SMPD3: variants seen among roughly 807,000 people sequenced by gnomAD.
SMPD3 encodes nSMase-2.
Under a neutral mutation model 55.7 loss-of-function variants are expected in SMPD3, and 21 were observed. The ratio of observed to expected loss-of-function variants is 0.38; its 90% CI spans 0.27 to 0.54. The LOEUF (loss-of-function observed/expected upper bound fraction) is 0.54, where lower values mean the gene tolerates loss of function less well. SMPD3 is among the 20% of genes least tolerant of loss of function. The pLI is 0.80. For missense variants in SMPD3, 842 were observed against 899.6 expected (o/e 0.94, Z 0.82); for synonymous variants, 457 against 404.3 (o/e 1.13, Z -1.56).
At chr16:68,401,717 A>G (rs1474390666) in intron 1 of SMPD3, among the ~76,000 whole-genome samples, 1 of 152,188 alleles carries the variant, frequency 6.6e-6, no homozygotes, top group Non-Finnish European at 1.5e-5. Context: ...GGAGAATTTC[A>G]TAGGTACAAG....
chr16:68,386,329 T>C (rs989355458), intron 2 of SMPD3, among the ~76,000 whole-genome samples: 1 of 152,108 alleles, frequency 6.6e-6, no homozygotes, highest in Non-Finnish European at 1.5e-5. Flanking sequence ...CCTTTTCCCA[T>C]ATATTGAGGG....
chr16:68,403,385 G>A (rs2090227637), intron 1 of SMPD3, among the ~76,000 whole-genome samples: 1 of 152,150 alleles, frequency 6.6e-6, no homozygotes, highest in Non-Finnish European at 1.5e-5. Context: ...ATACAAATTT[G>A]CTACAGGTCA....
chr16:68,398,925 C>T (rs911363356), intron 1 of SMPD3, among the ~76,000 whole-genome samples: 1 of 152,210 alleles, frequency 6.6e-6, no homozygotes, highest in African/African-American at 2.4e-5. Flanking sequence ...TTCCCCGCTC[C>T]AGGTCAAGGA....
chr16:68,381,174 C>T (rs1395394736), intron 2 of SMPD3, among the ~76,000 whole-genome samples: 1 of 152,234 alleles, frequency 6.6e-6, no homozygotes, highest in Non-Finnish European at 1.5e-5. Flanking sequence ...CAAGGCCTCA[C>T]TGCTGAGGGT....
chr16:68,363,627 T>C, intron 6 of SMPD3, 68 bp from the exon 7 acceptor site: 2 of 1,498,378 alleles, frequency 1.3e-6, no homozygotes, highest in Admixed American at 1.7e-5. Context: ...GGGGGTGGCC[T>C]CTGTGGGTGG....
chr16:68,382,397 C>G (rs1270167081), intron 2 of SMPD3, among the ~76,000 whole-genome samples: 2 of 152,210 alleles, frequency 1.3e-5, no homozygotes, highest in Non-Finnish European at 2.9e-5. Flanking sequence ...TGGGCAGCAG[C>G]TGTTAAGCAG....
intron 1 of SMPD3, among the ~76,000 whole-genome samples, chr16:68,441,776 TA>T (rs2090567838): frequency 6.6e-6 from 1 of 152,082 alleles, no homozygotes; most frequent in Non-Finnish European, 1.5e-5. Flanking sequence ...TTTTTTAAAT[TA>T]AAAAAAATTT....
chr16:68,444,270 C>T (rs1237154454), intron 1 of SMPD3, among the ~76,000 whole-genome samples: 5 of 152,198 alleles, frequency 3.3e-5, no homozygotes, highest in Non-Finnish European at 2.9e-5. Flanking sequence ...AGCTCTCCTC[C>T]ACAGTGATCC....
intron 1 of SMPD3, among the ~76,000 whole-genome samples, chr16:68,416,031 C>T (rs960342511): frequency 2.6e-5 from 4 of 152,086 alleles, no homozygotes; most frequent in African/African-American, 9.7e-5. Flanking sequence ...AGATTCAAAC[C>T]GACAACATCT....
chr16:68,374,311 G>A (rs147131169), intron 2 of SMPD3, among the ~76,000 whole-genome samples: 48 of 152,366 alleles, frequency 3.2e-4, no homozygotes, highest in South Asian at 4.1e-4. Flanking sequence ...AGGGCTTAGC[G>A]TCTAAAGGTG....
chr16:68,382,998 G>C (rs961148454), intron 2 of SMPD3, among the ~76,000 whole-genome samples: 4 of 152,106 alleles, frequency 2.6e-5, no homozygotes, highest in Non-Finnish European at 5.9e-5. Flanking sequence ...GCATGTGCCA[G>C]CTAATTTTTT....
At chr16:68,442,723 C>A (rs1265978113) in intron 1 of SMPD3, among the ~76,000 whole-genome samples, 2 of 152,146 alleles carry the variant, frequency 1.3e-5, no homozygotes, top group Non-Finnish European at 2.9e-5. Context: ...GCCTAGAGAC[C>A]CCCACAAATG....
At chr16:68,426,907 T>G (rs974182660) in intron 1 of SMPD3, among the ~76,000 whole-genome samples, 4 of 152,050 alleles carry the variant, frequency 2.6e-5, no homozygotes, top group African/African-American at 7.2e-5. Flanking sequence ...ATATGGTTAT[T>G]CCCATTTTAC....
chr16:68,427,018 A>C (rs2090441532), intron 1 of SMPD3, among the ~76,000 whole-genome samples: 1 of 129,880 alleles, frequency 7.7e-6, no homozygotes, highest in Non-Finnish European at 1.6e-5. Flanking sequence ...TTTTTTTGAG[A>C]CAGAGTCTTG....
chr16:68,418,118 T>G, intron 1 of SMPD3, among the ~76,000 whole-genome samples: 1 of 152,146 alleles, frequency 6.6e-6, no homozygotes, highest in East Asian at 1.9e-4. Flanking sequence ...CCCTTCCTGT[T>G]GTGTGCGGGC....
chr16:68,389,455 T>C (rs2090092123), intron 1 of SMPD3, among the ~76,000 whole-genome samples: 2 of 152,170 alleles, frequency 1.3e-5, no homozygotes, highest in Non-Finnish European at 2.9e-5. Context: ...GAACCAGCTG[T>C]GGAGATGGAT....
intron 1 of SMPD3, among the ~76,000 whole-genome samples, chr16:68,390,312 G>C (rs1437109699): frequency 6.6e-6 from 1 of 152,146 alleles, no homozygotes; most frequent in Non-Finnish European, 1.5e-5. Context: ...TTTCATCAGC[G>C]GAGTCTTTGT....
chr16:68,447,777 A>G lies in SMPD3; in HGVS notation c.-269+576T>C, dbSNP rs2090621790. ...CACATCCTCGATCCTCCTCTTTACA[A>G]AACCCTAGGGCCAAGGGAGGAGGGG... On this transcript the variant is annotated intron_variant, in intron 1 of 8. Transcript: ENST00000219334. This position sits in a 1 kb window ranked among gnomAD's most constrained non-coding sequence, Gnocchi z 5.1. Among the ~76,000 whole-genome samples, 1 of 151,900 alleles carries G rather than the reference A, an allele frequency of 6.6e-6. No individual in the cohort carries two copies. Among genetic ancestry groups the G allele is most frequent in the African/African-American group, 2.4e-5 (1 of 41,358 alleles).
At chr16:68,399,858 C>T (rs774849173) in intron 1 of SMPD3, among the ~76,000 whole-genome samples, 3 of 152,226 alleles carry the variant, frequency 2.0e-5, no homozygotes, top group Non-Finnish European at 2.9e-5. Context: ...GTGACATCCA[C>T]GATAAACCCA....
Sources: allele counts gnomAD v4.1 joint callset (sites outside exome capture counted in the v4.1 genomes callset), GRCh38; gene constraint gnomAD v4.1.1; non-coding constraint Gnocchi (gnomAD v3.1); transcripts MANE v1.5; gene names NCBI Gene and HGNC (gene_info 2026-07-23, HGNC 2026-07-21).